TTLL9: variants seen among roughly 807,000 people sequenced by gnomAD.
TTLL9 encodes probable tubulin polyglutamylase TTLL9.
TTLL9 carries 47 observed loss-of-function variants against 65.6 expected under a neutral mutation model. That is an observed-to-expected ratio of 0.72 (90% CI 0.57 to 0.91). TTLL9 has a LOEUF of 0.91. TTLL9 is among the 40% of genes least tolerant of loss of function. TTLL9 has a pLI of 0.00. For synonymous variants in TTLL9, 179 were observed against 204.8 expected, an observed-to-expected ratio of 0.87 and a Z score of 1.07; for missense variants, 537 against 568.8, an observed-to-expected ratio of 0.94 and a Z score of 0.57.
chr20:31,873,684 GAGAAAGAAAGAAAGAA>G (rs143514524), intron 2 of TTLL9, among the ~76,000 whole-genome samples: 3,446 of 100,478 alleles, frequency 0.034, 156 homozygotes, highest in African/African-American at 0.099. Context: ...AAGAGAGAGA[GAGAAAGAAAGAAAGAA>G]AGAAAGAAAG....
chr20:31,943,070 TC>T lies in TTLL9; in HGVS notation c.*56del, dbSNP rs759022927. ...AGCCTTAGCAGGTGCCACCCAGGCC[TC>T]CCCCCCACTCCCAGATCCCAGCACA... On this transcript the variant is annotated 3_prime_UTR_variant, in exon 15 of 15. Coordinates refer to ENST00000535842, the MANE Select transcript of TTLL9 (RefSeq NM_001008409.5). The T allele has an allele frequency of 3.9e-5, 60 of 1,519,760 alleles. 1 individual carries two copies. The highest frequency in any genetic ancestry group is 1.0e-4 in the Admixed American group (6 of 59,784). The allele number at this position is 1,519,760 out of a possible 1,614,324, so 94.1% of individuals were successfully genotyped here. A position where few individuals can be genotyped will look rare whatever the true frequency, so the allele number is the denominator to read the frequency against.
At chr20:31,912,645 ATGTC>A (rs1172464445) in intron 6 of TTLL9, among the ~76,000 whole-genome samples, 8 of 103,626 alleles carry the variant, frequency 7.7e-5, no homozygotes, top group Admixed American at 4.8e-4. Flanking sequence ...GTGTGTGTGT[ATGTC>A]TGTGTGTTTA....
At chr20:31,931,286 C>T (rs1269092776) in intron 10 of TTLL9, among the ~76,000 whole-genome samples, 2 of 151,858 alleles carry the variant, frequency 1.3e-5, no homozygotes, top group South Asian at 4.2e-4. Context: ...ACTATGTTGC[C>T]CAGGCTGGTC....
chr20:31,901,763 G>A (rs922882028), intron 4 of TTLL9, among the ~76,000 whole-genome samples: 3 of 152,164 alleles, frequency 2.0e-5, no homozygotes, highest in Non-Finnish European at 4.4e-5. Context: ...CAGCTGAAAG[G>A]TCCTTCCACA....
chr20:31,873,828 G>GAA (rs778057081), intron 2 of TTLL9, among the ~76,000 whole-genome samples: 1 of 61,318 alleles, frequency 1.6e-5, no homozygotes, highest in African/African-American at 6.8e-5. Context: ...AAGGAAGAAA[G>GAA]AAAGAAAGAA....
intron 14 of TTLL9, chr20:31,940,035 T>G (rs1011706626): frequency 1.3e-5 from 2 of 152,258 alleles, no homozygotes; most frequent in African/African-American, 2.4e-5. Context: ...TTATTTTTTT[T>G]TTACTTTTAT....
intron 2 of TTLL9, chr20:31,879,962 G>A: frequency 8.1e-7 from 1 of 1,240,996 alleles, no homozygotes; most frequent in Non-Finnish European, 1.1e-6. Flanking sequence ...GCAGCAGAGG[G>A]ATTCAAAATC....
intron 14 of TTLL9, among the ~76,000 whole-genome samples, chr20:31,942,174 G>C (rs2064221719): frequency 6.6e-6 from 1 of 152,188 alleles, no homozygotes; most frequent in South Asian, 2.1e-4. Flanking sequence ...CCACAGGTCA[G>C]AACTAGTGGC....
intron 4 of TTLL9, among the ~76,000 whole-genome samples, chr20:31,904,350 C>CTTTTTTTT (rs71185374): frequency 1.5e-4 from 12 of 81,768 alleles, no homozygotes; most frequent in Non-Finnish European, 1.8e-4. Context: ...TTTGATAATT[C>CTTTTTTTT]TTTTTTTTTT....
intron 3 of TTLL9, among the ~76,000 whole-genome samples, chr20:31,890,507 A>G (rs2063294209): frequency 6.6e-6 from 1 of 152,150 alleles, no homozygotes; most frequent in Non-Finnish European, 1.5e-5. Flanking sequence ...AAAGGCACTT[A>G]CGAAGTATTG....
At chr20:31,891,836 T>G (rs1201231830) in intron 3 of TTLL9, among the ~76,000 whole-genome samples, 1 of 152,228 alleles carries the variant, frequency 6.6e-6, no homozygotes, top group East Asian at 1.9e-4. Flanking sequence ...GGAGTCTCAC[T>G]CTGTCACCCA....
intron 12 of TTLL9, 115 bp from the exon 13 acceptor site, chr20:31,937,278 AGAG>A (rs1392519150): frequency 1.5e-6 from 1 of 651,214 alleles, no homozygotes; most frequent in African/African-American, 1.8e-5. Context: ...AAAGGTAGAG[AGAG>A]TAGCCTGGAT....
intron 10 of TTLL9, among the ~76,000 whole-genome samples, chr20:31,929,047 T>C (rs901550718): frequency 5.3e-5 from 8 of 152,158 alleles, no homozygotes; most frequent in Admixed American, 4.6e-4. Context: ...GGCTAACTTG[T>C]TTTTTGTAGC....
At chr20:31,937,309 C>T (rs1250726540) in intron 12 of TTLL9, 87 bp from the exon 13 acceptor site, 5 of 814,756 alleles carry the variant, frequency 6.1e-6, no homozygotes, top group Admixed American at 4.4e-5. Flanking sequence ...ACGGTGGGGT[C>T]CATGCATCCA....
chr20:31,903,250 T>C (rs573494900), intron 4 of TTLL9, among the ~76,000 whole-genome samples: 39 of 152,310 alleles, frequency 2.6e-4, no homozygotes, highest in African/African-American at 9.1e-4. Flanking sequence ...TGGCTAATGA[T>C]TTTTAGCATC....
At position 31,943,693 on chromosome 20, in the gene TTLL9, G is replaced by A. The variant is rs1484364931; in HGVS notation, c.*672G>A. The A allele has an allele frequency of 2.2e-6, 1 of 456,466 alleles. No individual in the cohort carries two copies. The highest frequency in any genetic ancestry group is 4.4e-6 in the Non-Finnish European group (1 of 226,912). 28.3% of individuals were successfully genotyped at this position (456,466 alleles called of 1,614,324 possible). A position where few individuals can be genotyped will look rare whatever the true frequency, so the allele number is the denominator to read the frequency against. ...TCAGATGGACAAGACAGACCAGGGAGGCAGAGCTTAGTGAGGGTCTCTGCA... is the reference window on the plus strand; with the variant it reads ...TCAGATGGACAAGACAGACCAGGGAAGCAGAGCTTAGTGAGGGTCTCTGCA... On this transcript the variant is annotated 3_prime_UTR_variant, in exon 15 of 15. Transcript: ENST00000535842.
rs1296152955 is a variant in TTLL9, at chr20:31,873,813, GAAGGAAGGAAGAAAGAAAGAAAGAAAGA to G, written c.69+2622_69+2649del. On this transcript the variant is annotated intron_variant, in intron 2 of 14. Coordinates refer to ENST00000535842, the MANE Select transcript of TTLL9 (RefSeq NM_001008409.5). ...GAAAGAAAGGAAGGAAGGAAGGAAG[GAAGGAAGGAAGAAAGAAAGAAAGAAAGA>G]AAGAAAGAAAGAAAGAAAGAAAGAA... 7.3e-3 allele frequency among the ~76,000 whole-genome samples: 717 copies of G among 98,058 alleles called. 2 individuals are homozygous for G. Among genetic ancestry groups the G allele is most frequent in the African/African-American group, 0.021 (471 of 22,622 alleles). 64.3% of individuals were successfully genotyped at this position (98,058 alleles called of 152,430 possible). A position where few individuals can be genotyped will look rare whatever the true frequency, so the allele number is the denominator to read the frequency against.
rs1362161566 is a variant in TTLL9, at chr20:31,942,972, T to C, written c.1271T>C (p.Leu424Pro). ...LGCVNDRKKQ[L>P]RQLFCSLQVQ... ...TGCGTCAACGATCGGAAGAAACAACTGAGGCAGCTCTTCTGCTCCCTTCAA... is the reference window on the plus strand; with the variant it reads ...TGCGTCAACGATCGGAAGAAACAACCGAGGCAGCTCTTCTGCTCCCTTCAA... The change falls in exon 15 of 15, where the codon CTG (leucine) becomes CCG (proline). Residue 424 changes from leucine to proline, a missense_variant. Around this residue, in one of 3 missense-constraint regions of TTLL9, gnomAD observed 205 missense variants for 225.9 expected, o/e 0.91. Coordinates refer to ENST00000535842, the MANE Select transcript of TTLL9 (RefSeq NM_001008409.5). 1.2e-6 allele frequency: 2 copies of C among 1,614,112 alleles called. No individual in the cohort carries two copies. Among genetic ancestry groups the C allele is most frequent in the South Asian group, 1.1e-5 (1 of 91,086 alleles).
chr20:31,943,225 G>C lies in TTLL9; in HGVS notation c.*204G>C. On this transcript the variant is annotated 3_prime_UTR_variant, in exon 15 of 15. Coordinates refer to ENST00000535842, the MANE Select transcript of TTLL9 (RefSeq NM_001008409.5). ...CCATCCCCAGGCATCTTTGCACCAG[G>C]AGACAGCCAATCACTGGGACTGGGG... 1 of 604,836 alleles carries C rather than the reference G, an allele frequency of 1.7e-6. No homozygotes were observed. Among genetic ancestry groups the C allele is most frequent in the East Asian group, 2.8e-5 (1 of 35,980 alleles). 37.5% of individuals were successfully genotyped at this position (604,836 alleles called of 1,614,324 possible).
Sources: allele counts gnomAD v4.1 joint callset (sites outside exome capture counted in the v4.1 genomes callset), GRCh38; gene constraint gnomAD v4.1.1; regional missense constraint gnomAD v4.1.1; transcripts MANE v1.5; gene names NCBI Gene and HGNC (gene_info 2026-07-23, HGNC 2026-07-21).